TOP2A: variants seen among roughly 807,000 people sequenced by gnomAD.
TOP2A encodes DNA topoisomerase 2-alpha.
TOP2A carries 68 observed loss-of-function variants against 187.2 expected under a neutral mutation model. The observed-to-expected ratio is 0.36, with a 90% CI of 0.30 to 0.44. The LOEUF (loss-of-function observed/expected upper bound fraction) is 0.44. TOP2A is among the 20% of genes least tolerant of loss of function. TOP2A has a pLI of 1.00. For missense variants in TOP2A, 1,196 were observed against 1,808.7 expected, an observed-to-expected ratio of 0.66 and a Z score of 6.14; for synonymous variants, 542 against 593.2, an observed-to-expected ratio of 0.91 and a Z score of 1.25.
intron 16 of TOP2A, 103 bp downstream of exon 16, chr17:40,406,281 T>C (rs901883162): frequency 2.2e-5 from 16 of 744,082 alleles, no homozygotes; most frequent in Admixed American, 3.0e-5. Flanking sequence ...AAAACATTCT[T>C]TTTTTTTTGA....
At chr17:40,393,988 G>A (rs770078136) in intron 29 of TOP2A, among the ~76,000 whole-genome samples, 4 of 147,394 alleles carry the variant, frequency 2.7e-5, no homozygotes, top group African/African-American at 5.0e-5. Flanking sequence ...CCTAGCAGGC[G>A]GAGGTTGCAG....
At chr17:40,390,624 A>ATT (rs202246173) in intron 33 of TOP2A, among the ~76,000 whole-genome samples, 2,507 of 129,758 alleles carry the variant, frequency 0.019, 85 homozygotes, top group African/African-American at 0.063. Context: ...TAAACATTCT[A>ATT]TTTTTTTTTT....
At chr17:40,401,706 T>C (rs762543743) in intron 20 of TOP2A, among the ~76,000 whole-genome samples, 3 of 151,302 alleles carry the variant, frequency 2.0e-5, no homozygotes, top group African/African-American at 7.3e-5. Context: ...CAAAACTCCA[T>C]CTCAAAAGAA....
chr17:40,389,213 G>T lies in TOP2A; in HGVS notation c.*306C>A. 1 of 275,456 alleles carries T rather than the reference G, an allele frequency of 3.6e-6. No homozygotes were observed. The highest frequency in any genetic ancestry group is 5.5e-5 in the East Asian group (1 of 18,216). The allele number at this position is 275,456 out of a possible 1,614,324, so 17.1% of individuals were successfully genotyped here. On this transcript the variant is annotated 3_prime_UTR_variant, in exon 35 of 35. Coordinates refer to ENST00000423485, the MANE Select transcript of TOP2A (RefSeq NM_001067.4). ...ATGGTTAATAAACACACTGCTTTACGCTGAAGTGATCAGATAGCTATTTCT... is the reference window on the plus strand; with the variant it reads ...ATGGTTAATAAACACACTGCTTTACTCTGAAGTGATCAGATAGCTATTTCT...
chr17:40,392,120 A>T lies in TOP2A; in HGVS notation c.4089-9T>A, dbSNP rs912990740. ...GTTCTTTGTTACTAAGTCTAGAATT[A>T]AAAAAAAAAATCCTGACAACCAATT... On this transcript the variant is annotated splice_polypyrimidine_tract_variant and intron_variant, in intron 31 of 34. Transcript: ENST00000423485. The T allele has an allele frequency of 2.2e-6, 2 of 910,488 alleles. No individual in the cohort carries two copies. Among genetic ancestry groups the T allele is most frequent in the Middle Eastern group, 2.8e-4 (1 of 3,578 alleles). 56.4% of individuals were successfully genotyped at this position (910,488 alleles called of 1,614,324 possible).
In TOP2A at chr17:40,416,000, C is replaced by T. The variant is rs748438143; in HGVS notation, c.332+5G>A. ...TACATAACAAAAACTAAGCAAAAGA[C>T]GTACGGATCAATTGTGACTCTAATA... On this transcript the variant is annotated splice_donor_5th_base_variant and intron_variant, in intron 4 of 34. Coordinates refer to ENST00000423485, the MANE Select transcript of TOP2A (RefSeq NM_001067.4). The T allele has an allele frequency of 1.3e-6, 2 of 1,576,188 alleles. No homozygotes were observed. Among genetic ancestry groups the T allele is most frequent in the Non-Finnish European group, 1.7e-6 (2 of 1,156,330 alleles).
Position 40,390,034 on chromosome 17 carries a change from C to T in TOP2A, c.4398G>A (p.Arg1466=), listed in dbSNP as rs1180700959. The part of the protein sequence containing the change: ...DPAKTKNRRK[R]KPSTSDDSDS... ...CAGAATCATCAGAAGTGGATGGCTTCCTTTTGCGGCGATTCTTGGTTTTGG... is the reference window on the plus strand; with the variant it reads ...CAGAATCATCAGAAGTGGATGGCTTTCTTTTGCGGCGATTCTTGGTTTTGG... The change falls in exon 34 of 35, where the codon AGG becomes AGA. Residue 1466 remains arginine (R), a synonymous_variant. Coordinates refer to ENST00000423485, the MANE Select transcript of TOP2A (RefSeq NM_001067.4). 1 of 1,613,772 alleles carries T rather than the reference C, an allele frequency of 6.2e-7. No individual in the cohort carries two copies. Among genetic ancestry groups the T allele is most frequent in the African/African-American group, 1.3e-5 (1 of 74,922 alleles).
Position 40,400,371 on chromosome 17 carries a change from G to A in TOP2A, c.2838C>T (p.Gly946=), listed in dbSNP as rs757251056. The A allele has an allele frequency of 3.1e-6, 5 of 1,613,190 alleles. No homozygotes were observed. The African/African-American group carries it at 5.3e-5, about 17-fold the overall frequency. Residue 946 remains glycine (G), a synonymous_variant, in exon 23 of 35, where the codon GGC becomes GGT. Transcript: ENST00000423485. ...TTATGAGAGGAGGTGTCTTCTCGGT[G>A]CCATTCAACATGGGTTCTAGAACTT... ...KEQVLEPMLN[G]TEKTPPLITD... is the part of the protein sequence containing the mutation.
chr17:40,396,713 G>A (rs577167327), intron 27 of TOP2A, among the ~76,000 whole-genome samples: 159 of 152,088 alleles, frequency 1.0e-3, no homozygotes, highest in African/African-American at 3.6e-3. Flanking sequence ...AGGAAAACAA[G>A]GGAGAAACTA....
At chr17:40,396,845 A>G (rs1163512723) in intron 27 of TOP2A, among the ~76,000 whole-genome samples, 1 of 152,164 alleles carries the variant, frequency 6.6e-6, no homozygotes, top group African/African-American at 2.4e-5. Flanking sequence ...GAAGTGCAGT[A>G]ATACAAATTT....
chr17:40,394,160 A>G (rs2035061450), intron 29 of TOP2A, among the ~76,000 whole-genome samples: 2 of 152,168 alleles, frequency 1.3e-5, no homozygotes, highest in Admixed American at 1.3e-4. Flanking sequence ...CAGCTCCAAA[A>G]GACCACATAT....
intron 2 of TOP2A, 83 bp from the exon 3 acceptor site, chr17:40,416,595 T>A: frequency 7.0e-7 from 1 of 1,421,362 alleles, no homozygotes; most frequent in Non-Finnish European, 9.9e-7. Flanking sequence ...GTGTTCATAT[T>A]AAGTATTACC....
At position 40,411,080 on chromosome 17, in the gene TOP2A, T is replaced by C; in HGVS notation, c.1203+29A>G. 1 of 1,564,254 alleles carries C rather than the reference T, an allele frequency of 6.4e-7. No homozygotes were observed. The highest frequency in any genetic ancestry group is 8.6e-7 in the Non-Finnish European group (1 of 1,159,146). ...GCAATGGAAAATAAAGTCAGGTGTT[T>C]CTATTTTTATTTTCCTCTAAGTACT... On this transcript the variant is annotated intron_variant, in intron 10 of 34. Transcript: ENST00000423485. This position sits in a 1 kb window ranked among gnomAD's most constrained non-coding sequence, Gnocchi z 4.4.
intron 19 of TOP2A, 59 bp downstream of exon 19, chr17:40,404,093 A>G: frequency 6.3e-7 from 1 of 1,583,058 alleles, no homozygotes; most frequent in Non-Finnish European, 8.6e-7. Flanking sequence ...CTGTTTTGAG[A>G]ATGACTCTGC....
chr17:40,389,396 G>A lies in TOP2A; in HGVS notation c.*123C>T, dbSNP rs2034994729. 2 of 1,118,446 alleles carry A rather than the reference G, an allele frequency of 1.8e-6. No homozygotes were observed. The highest frequency in any genetic ancestry group is 1.2e-6 in the Non-Finnish European group (1 of 802,516). The allele number at this position is 1,118,446 out of a possible 1,614,324, so 69.3% of individuals were successfully genotyped here. ...CACTTGGGCTTTACTTCACTTTGAT[G>A]TCTTGTACTAAAAACACCTTCCCCA... On this transcript the variant is annotated 3_prime_UTR_variant, in exon 35 of 35. Coordinates refer to ENST00000423485, the MANE Select transcript of TOP2A (RefSeq NM_001067.4).
At chr17:40,399,191 A>C in intron 24 of TOP2A, 60 bp from the exon 25 acceptor site, 1 of 1,224,012 alleles carries the variant, frequency 8.2e-7, no homozygotes. Flanking sequence ...GAAGGGGATA[A>C]GGTTTTACAC....
chr17:40,409,561 C>T (rs2035293832), intron 10 of TOP2A: 1 of 403,500 alleles, frequency 2.5e-6, no homozygotes, highest in South Asian at 1.8e-5. Context: ...GAGTTCAAGA[C>T]CAGCCTGGCC....
In TOP2A at chr17:40,396,474, G is replaced by A. The variant is rs766381329; in HGVS notation, c.3538-9C>T. 4 of 1,603,676 alleles carry A rather than the reference G, an allele frequency of 2.5e-6. No individual in the cohort carries two copies. In the East Asian group the frequency reaches 6.7e-5, roughly 27 times the overall value. On this transcript the variant is annotated splice_polypyrimidine_tract_variant and intron_variant, in intron 27 of 34. Coordinates refer to ENST00000423485, the MANE Select transcript of TOP2A (RefSeq NM_001067.4). ...TCCTTGGCTTCAACAGCCTACAGAA[G>A]GGATATAAGAAAGCAAGTTTAAATG...
At chr17:40,394,408 C>T (rs1464823184) in intron 29 of TOP2A, among the ~76,000 whole-genome samples, 2 of 152,344 alleles carry the variant, frequency 1.3e-5, no homozygotes, top group African/African-American at 4.8e-5. Context: ...TCTTGGCTCT[C>T]TGCAACCTCT....
Sources: gnomAD v4.1 joint callset for allele counts (sites outside exome capture counted in the v4.1 genomes callset) on GRCh38, gnomAD v4.1.1 for gene constraint, Gnocchi (gnomAD v3.1) non-coding constraint, MANE v1.5 for transcripts, NCBI Gene and HGNC (gene_info 2026-07-23, HGNC 2026-07-21) for gene names.